ZPLD1: variants seen among roughly 807,000 people sequenced by gnomAD.
The protein encoded by ZPLD1 is zona pellucida-like domain-containing protein 1.
ZPLD1 carries 34 observed loss-of-function variants against 47.2 expected under a neutral mutation model. The observed-to-expected ratio is 0.72, with a 90% CI of 0.55 to 0.96. ZPLD1 has a LOEUF of 0.96. ZPLD1 is among the 40% of genes least tolerant of loss of function. ZPLD1 has a pLI of 0.00. For missense variants in ZPLD1, 512 were observed against 505.8 expected, an observed-to-expected ratio of 1.01 and a Z score of -0.12; for synonymous variants, 176 against 186.2, an observed-to-expected ratio of 0.95 and a Z score of 0.45.
intron 7 of ZPLD1, among the ~76,000 whole-genome samples, chr3:102,395,067 G>A (rs189869397): frequency 1.6e-3 from 238 of 152,140 alleles, no homozygotes; most frequent in Admixed American, 3.3e-3. Context: ...GGAGGGATCA[G>A]GAAGTAGATG....
intron 6 of ZPLD1, among the ~76,000 whole-genome samples, chr3:102,385,616 C>T (rs1706416584): frequency 6.6e-6 from 1 of 152,144 alleles, no homozygotes; most frequent in South Asian, 2.1e-4. Flanking sequence ...CTTGTGTATA[C>T]ACCAGTGAAG....
chr3:102,472,590 T>C (rs2107357916), intron 10 of ZPLD1, among the ~76,000 whole-genome samples: 1 of 152,120 alleles, frequency 6.6e-6, no homozygotes, highest in South Asian at 2.1e-4. Context: ...TTGATCTCTA[T>C]CTAGCTTTCA....
At chr3:102,419,734 A>G (rs1706853727) in intron 8 of ZPLD1, among the ~76,000 whole-genome samples, 1 of 151,924 alleles carries the variant, frequency 6.6e-6, no homozygotes, top group African/African-American at 2.4e-5. Context: ...TTATGATATC[A>G]AACAGTAAAT....
intron 5 of ZPLD1, among the ~76,000 whole-genome samples, chr3:102,457,579 A>G (rs772364226): frequency 2.0e-5 from 3 of 152,234 alleles, no homozygotes; most frequent in Non-Finnish European, 2.9e-5. Context: ...AAATGATCAT[A>G]AAGAATAGCT....
chr3:102,469,687 A>T (rs12107426), intron 9 of ZPLD1, among the ~76,000 whole-genome samples: 296 of 152,224 alleles, frequency 1.9e-3, no homozygotes, highest in African/African-American at 6.6e-3. Context: ...ATGATTGGAA[A>T]ACCCAGGGAG....
At chr3:102,406,078 T>C (rs1321223521) in intron 7 of ZPLD1, among the ~76,000 whole-genome samples, 1 of 151,988 alleles carries the variant, frequency 6.6e-6, no homozygotes, top group Non-Finnish European at 1.5e-5. Context: ...TTTCAAAATA[T>C]ATTGCTTTTA....
chr3:102,423,130 T>G (rs2107307974), intron 8 of ZPLD1, among the ~76,000 whole-genome samples: 2 of 152,238 alleles, frequency 1.3e-5, no homozygotes, highest in Middle Eastern at 6.8e-3. Context: ...AAATACAAAC[T>G]GAATTCATTT....
chr3:102,450,990 T>C (rs1707328905), intron 3 of ZPLD1, among the ~76,000 whole-genome samples: 2 of 152,356 alleles, frequency 1.3e-5, no homozygotes, highest in East Asian at 1.9e-4. Flanking sequence ...AATTAATTCA[T>C]TATTTTTCCA....
At chr3:102,405,007 A>C (rs1172375248) in intron 7 of ZPLD1, among the ~76,000 whole-genome samples, 1 of 152,018 alleles carries the variant, frequency 6.6e-6, no homozygotes, top group African/African-American at 2.4e-5. Flanking sequence ...TTTTAGGAAG[A>C]TATTAGTATC....
At chr3:102,390,959 AC>A (rs970524646) in intron 6 of ZPLD1, among the ~76,000 whole-genome samples, 1 of 151,916 alleles carries the variant, frequency 6.6e-6, no homozygotes, top group Non-Finnish European at 1.5e-5. Context: ...TCAGAAAAGG[AC>A]CCCATGTCCT....
At position 102,479,079 on chromosome 3, in the gene ZPLD1, G is replaced by A. The variant is rs1475175965; in HGVS notation, c.*1461G>A. On this transcript the variant is annotated 3_prime_UTR_variant, in exon 12 of 12. Transcript: ENST00000466937. ...TCTCCAATTTGCCTGAATATTTCAG[G>A]AGGAAGTGTTTATATTATAATAATT... The A allele has an allele frequency of 6.6e-6, 1 of 152,144 alleles. No individual in the cohort carries two copies. The highest frequency in any genetic ancestry group is 2.4e-5 in the African/African-American group (1 of 41,448). The allele number at this position is 152,144 out of a possible 1,614,324, so 9.4% of individuals were successfully genotyped here. A position where few individuals can be genotyped will look rare whatever the true frequency, so the allele number is the denominator to read the frequency against.
intron 7 of ZPLD1, among the ~76,000 whole-genome samples, chr3:102,404,818 C>T (rs1185630947): frequency 6.6e-6 from 1 of 151,938 alleles, no homozygotes; most frequent in Non-Finnish European, 1.5e-5. Flanking sequence ...AGACAGCACT[C>T]AGGATCAAAA....
intron 7 of ZPLD1, among the ~76,000 whole-genome samples, chr3:102,393,178 A>C (rs980346766): frequency 1.4e-4 from 21 of 152,312 alleles, no homozygotes; most frequent in South Asian, 4.1e-4. Context: ...TGAAGATACA[A>C]CACCAAAAAT....
chr3:102,434,561 T>C (rs919288427), upstream of ZPLD1, among the ~76,000 whole-genome samples: 1 of 152,134 alleles, frequency 6.6e-6, no homozygotes, highest in Admixed American at 6.5e-5. Context: ...TTACTTATAA[T>C]CCTCCTTCTC....
intron 8 of ZPLD1, among the ~76,000 whole-genome samples, chr3:102,425,599 C>G (rs1706935737): frequency 6.6e-6 from 1 of 151,988 alleles, no homozygotes; most frequent in African/African-American, 2.4e-5. Context: ...TAGAGCTTGC[C>G]TGGTGTTTCA....
At chr3:102,447,862 A>T (rs539951797) in intron 3 of ZPLD1, among the ~76,000 whole-genome samples, 122 of 152,348 alleles carry the variant, frequency 8.0e-4, no homozygotes, top group African/African-American at 2.7e-3. Context: ...ATAGAACTTT[A>T]TAGGGGGTAA....
chr3:102,422,900 G>C (rs1301407924), intron 8 of ZPLD1, among the ~76,000 whole-genome samples: 1 of 151,956 alleles, frequency 6.6e-6, no homozygotes, highest in Admixed American at 6.6e-5. Flanking sequence ...TTCAAGCAGG[G>C]ACATGACATG....
upstream of ZPLD1, among the ~76,000 whole-genome samples, chr3:102,433,619 C>T (rs1299815879): frequency 6.6e-6 from 1 of 152,184 alleles, no homozygotes; most frequent in Non-Finnish European, 1.5e-5. Flanking sequence ...GCTCCGCCTC[C>T]CGGGTTCAAG....
chr3:102,440,352 T>C (rs1276803718), intron 3 of ZPLD1, among the ~76,000 whole-genome samples: 1 of 152,172 alleles, frequency 6.6e-6, no homozygotes, highest in Non-Finnish European at 1.5e-5. Context: ...TATTAAGAGA[T>C]ATTTTTGTGG....
Sources: allele counts gnomAD v4.1 joint callset (sites outside exome capture counted in the v4.1 genomes callset), GRCh38; gene constraint gnomAD v4.1.1; transcripts MANE v1.5; gene names NCBI Gene and HGNC (gene_info 2026-07-23, HGNC 2026-07-21).